GOLGA6L9: variants seen among roughly 807,000 people sequenced by gnomAD.
The protein encoded by GOLGA6L9 is golgin A6 family like 9.
Under a neutral mutation model 51.3 loss-of-function variants are expected in GOLGA6L9, and 19 were observed. The ratio of observed to expected loss-of-function variants is 0.37; its 90% CI spans 0.26 to 0.54. The LOEUF is 0.54. Ranked by LOEUF, GOLGA6L9 falls within the 20% of genes least tolerant of loss-of-function variation. The pLI, the probability that GOLGA6L9 is intolerant of heterozygous loss-of-function variation, is 0.83. For synonymous variants in GOLGA6L9, 97 were observed against 184.2 expected, an observed-to-expected ratio of 0.53 and a Z score of 3.83; for missense variants, 247 against 464.1, an observed-to-expected ratio of 0.53 and a Z score of 4.30.
At position 82,437,726 on chromosome 15, in the gene GOLGA6L9, G is replaced by T. The variant is rs2031750779; in HGVS notation, c.*1315G>T. ...TGAGAGTACTTAGTTGAAACAAAAA[G>T]GAGTTTTAGTAGACAGTATTATACT... On this transcript the variant is annotated 3_prime_UTR_variant, in exon 9 of 9. Coordinates refer to ENST00000618348, the MANE Select transcript of GOLGA6L9 (RefSeq NM_198181.4). 6.7e-6 allele frequency: 1 copy of T among 149,300 alleles called. No individual in the cohort carries two copies. The highest frequency in any genetic ancestry group is 1.5e-5 in the Non-Finnish European group (1 of 67,356). The allele number at this position is 149,300 out of a possible 1,614,324, so 9.2% of individuals were successfully genotyped here.
At chr15:82,418,735 G>A in the GOLGA6L9 span, 8 of 152,228 alleles carry the variant, frequency 5.3e-5, no homozygotes, top group Non-Finnish European at 1.2e-4. Context: ...TCTCACAACA[G>A]AATGGATAAG....
the GOLGA6L9 span, among the ~76,000 whole-genome samples, chr15:82,420,527 T>G: frequency 6.6e-6 from 1 of 152,234 alleles, no homozygotes; most frequent in Admixed American, 6.5e-5. Flanking sequence ...TTTTTACTTT[T>G]TATTAGCTCT....
At chr15:82,433,096 T>A (rs1461517174) in intron 4 of GOLGA6L9, among the ~76,000 whole-genome samples, 199 bp downstream of exon 4, 3 of 151,266 alleles carry the variant, frequency 2.0e-5, no homozygotes, top group Non-Finnish European at 4.4e-5. Flanking sequence ...TTGCTGACTC[T>A]CTCTTCTCCA....
chr15:82,432,805 C>G lies in GOLGA6L9; in HGVS notation c.265-12C>G. ...ATCTTTCTCCAACTCCTTCTCTCTG[C>G]ATGCACCTCAGAGCCAGTACCAAGA... is the stretch of plus-strand genomic sequence containing the variant. On this transcript the variant is annotated splice_polypyrimidine_tract_variant and intron_variant, in intron 3 of 8. Transcript: ENST00000618348. The G allele has an allele frequency of 6.2e-7, 1 of 1,611,422 alleles. No individual in the cohort carries two copies. Among genetic ancestry groups the G allele is most frequent in the Admixed American group, 1.7e-5 (1 of 59,972 alleles).
the GOLGA6L9 span, among the ~76,000 whole-genome samples, chr15:82,417,750 CA>C: frequency 6.6e-6 from 1 of 152,140 alleles, no homozygotes; most frequent in African/African-American, 2.4e-5. Flanking sequence ...ATTTGAAGAT[CA>C]AGTGTGGTGT....
At chr15:82,420,607 G>A in the GOLGA6L9 span, among the ~76,000 whole-genome samples, 1 of 152,106 alleles carries the variant, frequency 6.6e-6, no homozygotes, top group South Asian at 2.1e-4. Flanking sequence ...GGCAACTGAA[G>A]GTAGGTAACT....
At chr15:82,416,472 G>A in the GOLGA6L9 span, among the ~76,000 whole-genome samples, 3 of 152,162 alleles carry the variant, frequency 2.0e-5, no homozygotes, top group Non-Finnish European at 4.4e-5. Flanking sequence ...TGCTCACAGA[G>A]CCTAGAAGAG....
At chr15:82,416,321 G>C in the GOLGA6L9 span, among the ~76,000 whole-genome samples, 1,016 of 152,254 alleles carry the variant, frequency 6.7e-3, 10 homozygotes, top group African/African-American at 0.023. Flanking sequence ...ATTGGTGACA[G>C]ATTTTTTTTT....
At chr15:82,429,306 C>T (rs1259371689), upstream of GOLGA6L9, among the ~76,000 whole-genome samples, 9 of 152,282 alleles carry the variant, frequency 5.9e-5, no homozygotes, top group Admixed American at 2.0e-4. Flanking sequence ...AACTCCTGAC[C>T]TCAGGTCATC....
chr15:82,436,556 T>C lies in GOLGA6L9; in HGVS notation c.*145T>C. 1.0e-6 allele frequency: 1 copy of C among 983,552 alleles called. No homozygotes were observed. Among genetic ancestry groups the C allele is most frequent in the Non-Finnish European group, 1.4e-6 (1 of 696,920 alleles). The allele number at this position is 983,552 out of a possible 1,614,324, so 60.9% of individuals were successfully genotyped here. ...TAAATTTATTTGTGTTTCTAATTTATAGTTTAAATTTATTTGTTTCTAATT... is the reference window on the plus strand; with the variant it reads ...TAAATTTATTTGTGTTTCTAATTTACAGTTTAAATTTATTTGTTTCTAATT... On this transcript the variant is annotated 3_prime_UTR_variant, in exon 9 of 9. Transcript: ENST00000618348.
chr15:82,427,125 T>C (rs1478926230), upstream of GOLGA6L9, among the ~76,000 whole-genome samples: 2 of 152,012 alleles, frequency 1.3e-5, no homozygotes, highest in Non-Finnish European at 2.9e-5. Context: ...TTATCTGTCA[T>C]TGAGGTGACA....
the GOLGA6L9 span, among the ~76,000 whole-genome samples, chr15:82,417,058 G>A: frequency 6.6e-6 from 1 of 152,110 alleles, no homozygotes; most frequent in Non-Finnish European, 1.5e-5. Flanking sequence ...TTCTGTCTCT[G>A]TAGATTTGCC....
chr15:82,420,000 G>A, the GOLGA6L9 span: 440 of 436,588 alleles, frequency 1.0e-3, 6 homozygotes, highest in African/African-American at 8.1e-3. Context: ...GTGCCTACTC[G>A]ATAGAATCAG....
chr15:82,418,395 G>A, the GOLGA6L9 span, among the ~76,000 whole-genome samples: 1 of 152,306 alleles, frequency 6.6e-6, no homozygotes, highest in South Asian at 2.1e-4. Context: ...ACCGTTTGTG[G>A]TGGACTTGGT....
Position 82,431,886 on chromosome 15 carries a change from A to G in GOLGA6L9, c.141A>G (p.Lys47=). 6.9e-7 allele frequency: 1 copy of G among 1,442,148 alleles called. No homozygotes were observed. Among genetic ancestry groups the G allele is most frequent in the South Asian group, 1.2e-5 (1 of 81,020 alleles). The allele number at this position is 1,442,148 out of a possible 1,614,324, so 89.3% of individuals were successfully genotyped here. ...GCATTCCAGCAGGAGCTAACAGGAA[A>G]AAGAAAATCAATGGCAGTAGCCCTG... is the stretch of plus-strand genomic sequence containing the variant. The part of the protein sequence containing the change: ...SPGIPAGANR[K]KKINGSSPDT... Residue 47 remains lysine, a synonymous_variant, in exon 2 of 9, where the codon AAA becomes AAG. Transcript: ENST00000618348.
At chr15:82,416,225 C>T in the GOLGA6L9 span, among the ~76,000 whole-genome samples, 4 of 151,956 alleles carry the variant, frequency 2.6e-5, no homozygotes, top group African/African-American at 9.7e-5. Flanking sequence ...CCAATTTGAG[C>T]TATAACACAA....
upstream of GOLGA6L9, among the ~76,000 whole-genome samples, chr15:82,427,279 CTTTCT>C (rs1595947380): frequency 7.0e-6 from 1 of 143,398 alleles, no homozygotes; most frequent in Admixed American, 6.9e-5. Context: ...TCCATTCTTA[CTTTCT>C]TTTCTTTTCC....
At chr15:82,429,672 T>C (rs2031332495), upstream of GOLGA6L9, among the ~76,000 whole-genome samples, 1 of 152,196 alleles carries the variant, frequency 6.6e-6, no homozygotes, top group Admixed American at 6.5e-5. Flanking sequence ...AGCTGCATAA[T>C]GAAGACAGCT....
chr15:82,420,817 TTTTTGTTTTG>T, the GOLGA6L9 span, among the ~76,000 whole-genome samples: 1 of 151,816 alleles, frequency 6.6e-6, no homozygotes, highest in African/African-American at 2.4e-5. Context: ...AGAGGGGTTT[TTTTTGTTTTG>T]TTTTGTTTTG....
Sources: allele counts gnomAD v4.1 joint callset (sites outside exome capture counted in the v4.1 genomes callset), GRCh38; gene constraint gnomAD v4.1.1; transcripts MANE v1.5; gene names NCBI Gene and HGNC (gene_info 2026-07-23, HGNC 2026-07-21).